The following GRAMD4 variants were observed in gnomAD, a reference collection of about 807,000 sequenced individuals.
GRAMD4 encodes GRAM domain containing 4.
A neutral mutation model predicts 83.9 loss-of-function variants in GRAMD4; 25 were observed. The observed-to-expected ratio is 0.30, with a 90% CI of 0.22 to 0.42. GRAMD4 has a LOEUF of 0.42. Among genes scored for constraint, GRAMD4 ranks in the 10% least tolerant of loss-of-function variants. The pLI, the probability that GRAMD4 is intolerant of heterozygous loss-of-function variation, is 1.00. For synonymous variants in GRAMD4, 336 were observed against 320.9 expected, an observed-to-expected ratio of 1.05 and a Z score of -0.50; for missense variants, 593 against 788.7, an observed-to-expected ratio of 0.75 and a Z score of 2.97.
chr22:46,617,958 C>T (rs1216361223), upstream of GRAMD4, among the ~76,000 whole-genome samples: 9 of 152,212 alleles, frequency 5.9e-5, no homozygotes, highest in Middle Eastern at 3.2e-3. Context: ...TATTCAGGGA[C>T]GCTGTGCTTT....
chr22:46,653,666 G>C (rs1394590681), intron 3 of GRAMD4, among the ~76,000 whole-genome samples: 3 of 152,212 alleles, frequency 2.0e-5, no homozygotes, highest in Non-Finnish European at 4.4e-5. Context: ...GCCCCATTTA[G>C]GAAAATGTGG....
At chr22:46,629,969 C>T (rs2081741785) in intron 2 of GRAMD4, among the ~76,000 whole-genome samples, 1 of 152,114 alleles carries the variant, frequency 6.6e-6, no homozygotes, top group Non-Finnish European at 1.5e-5. Context: ...TTGGTGCCGC[C>T]TGCCTTTTTA....
At chr22:46,609,851 A>G (rs2081400529) in intron 1 of GRAMD4, among the ~76,000 whole-genome samples, 1 of 152,186 alleles carries the variant, frequency 6.6e-6, no homozygotes, top group Non-Finnish European at 1.5e-5. Context: ...GTCACTGGGC[A>G]GTAAGAGGCG....
At chr22:46,595,153 G>A (rs749817096) in intron 1 of GRAMD4, among the ~76,000 whole-genome samples, 11 of 152,154 alleles carry the variant, frequency 7.2e-5, no homozygotes, top group Non-Finnish European at 1.3e-4. Flanking sequence ...CAGGGTGGGG[G>A]AAGTGAAGTC....
intron 1 of GRAMD4, among the ~76,000 whole-genome samples, chr22:46,623,045 G>A (rs559433856): frequency 5.3e-4 from 80 of 152,130 alleles, no homozygotes; most frequent in African/African-American, 1.8e-3. Flanking sequence ...AATTGTTAAC[G>A]ACCACCGTAA....
intron 11 of GRAMD4, 121 bp from the exon 12 acceptor site, chr22:46,668,568 C>A: frequency 1.1e-6 from 1 of 916,736 alleles, no homozygotes; most frequent in Non-Finnish European, 1.8e-6. Context: ...AGCAGCCGGG[C>A]AGGACCACAG....
At chr22:46,610,536 C>G (rs940843673) in intron 1 of GRAMD4, among the ~76,000 whole-genome samples, 2 of 152,260 alleles carry the variant, frequency 1.3e-5, no homozygotes, top group African/African-American at 4.8e-5. Context: ...CTCTCACAGA[C>G]TGGGCTTGCT....
At chr22:46,628,791 C>T (rs1029861869) in intron 2 of GRAMD4, among the ~76,000 whole-genome samples, 14 of 152,078 alleles carry the variant, frequency 9.2e-5, no homozygotes, top group African/African-American at 2.4e-4. Flanking sequence ...GGATCCCCTT[C>T]GGGGGAGGGT....
chr22:46,605,902 G>A (rs982376808), intron 1 of GRAMD4, among the ~76,000 whole-genome samples: 24 of 151,686 alleles, frequency 1.6e-4, no homozygotes, highest in Non-Finnish European at 3.4e-4. Flanking sequence ...CCGGTGCTGA[G>A]CATCTCTGCA....
chr22:46,647,610 A>G (rs2082089856), intron 3 of GRAMD4, among the ~76,000 whole-genome samples: 1 of 152,244 alleles, frequency 6.6e-6, no homozygotes, highest in Admixed American at 6.5e-5. Flanking sequence ...TGGGTCCAGC[A>G]TTGTCGTCTG....
At chr22:46,599,176 A>G (rs922498915) in intron 1 of GRAMD4, among the ~76,000 whole-genome samples, 3 of 151,852 alleles carry the variant, frequency 2.0e-5, no homozygotes, top group Non-Finnish European at 4.4e-5. Flanking sequence ...ACTGGGGGTC[A>G]GATATTTCTG....
chr22:46,576,875 G>A (rs1300064444), upstream of GRAMD4, among the ~76,000 whole-genome samples: 2 of 141,848 alleles, frequency 1.4e-5, no homozygotes, highest in Non-Finnish European at 3.1e-5. Context: ...GTGCGCGTGG[G>A]TGCGAGCGGC....
intron 8 of GRAMD4, among the ~76,000 whole-genome samples, chr22:46,664,426 C>A (rs566503349): frequency 1.3e-5 from 2 of 152,342 alleles, no homozygotes; most frequent in Admixed American, 6.5e-5. Context: ...ACTCACCGTG[C>A]AGTGCGGTGG....
chr22:46,589,728 G>A (rs2081187916), intron 1 of GRAMD4, among the ~76,000 whole-genome samples: 1 of 152,080 alleles, frequency 6.6e-6, no homozygotes, highest in South Asian at 2.1e-4. Context: ...CAGCCTCATG[G>A]GGTGGATCCT....
chr22:46,609,614 G>A (rs1266708765), intron 1 of GRAMD4, among the ~76,000 whole-genome samples: 1 of 152,202 alleles, frequency 6.6e-6, no homozygotes, highest in East Asian at 1.9e-4. Flanking sequence ...CCAGTTCTTT[G>A]GTGCCAGGCC....
intron 3 of GRAMD4, among the ~76,000 whole-genome samples, chr22:46,644,121 T>C (rs1023264878): frequency 2.6e-5 from 4 of 152,252 alleles, no homozygotes; most frequent in Non-Finnish European, 5.9e-5. Flanking sequence ...ATACTCACAT[T>C]ATATCCTGTA....
At position 46,666,816 on chromosome 22, in the gene GRAMD4, G is replaced by C; in HGVS notation, c.810-9G>C. 5 of 1,610,650 alleles carry C rather than the reference G, an allele frequency of 3.1e-6. No individual in the cohort carries two copies. Among genetic ancestry groups the C allele is most frequent in the Non-Finnish European group, 4.2e-6 (5 of 1,178,064 alleles). On this transcript the variant is annotated splice_polypyrimidine_tract_variant and intron_variant, in intron 9 of 18. Coordinates refer to ENST00000406902, the MANE Select transcript of GRAMD4 (RefSeq NM_015124.5). ...TGTCCTAAAGGTGTGTGTGTTTTCT[G>C]TTCGCCAGGGGGTGGCGGATACAGT...
intron 2 of GRAMD4, among the ~76,000 whole-genome samples, chr22:46,628,083 G>A (rs1262603460): frequency 1.3e-5 from 2 of 152,210 alleles, no homozygotes; most frequent in East Asian, 1.9e-4. Flanking sequence ...CATGGGTCAC[G>A]ATTCTCCGAT....
chr22:46,635,450 G>C (rs1400815760), intron 2 of GRAMD4, among the ~76,000 whole-genome samples: 1 of 106,842 alleles, frequency 9.4e-6, no homozygotes, highest in African/African-American at 4.0e-5. Flanking sequence ...CTCCTGTCCT[G>C]GGAGGCCGTG....
Sources: allele counts gnomAD v4.1 joint callset (sites outside exome capture counted in the v4.1 genomes callset), GRCh38; gene constraint gnomAD v4.1.1; transcripts MANE v1.5; gene names NCBI Gene and HGNC (gene_info 2026-07-23, HGNC 2026-07-21).